The following FYCO1 variants were observed in gnomAD, a reference collection of about 807,000 sequenced individuals.
FYCO1 encodes the protein FYVE and coiled-coil domain-containing protein 1.
In FYCO1, 122 loss-of-function variants were observed where a neutral mutation model predicts 165.1. That is an observed-to-expected ratio of 0.74 (90% CI 0.64 to 0.86). The LOEUF is 0.86. Among genes scored for constraint, FYCO1 ranks in the 40% least tolerant of loss-of-function variants. The pLI, the probability that FYCO1 is intolerant of heterozygous loss-of-function variation, is 0.00. For synonymous variants in FYCO1, 648 were observed against 742.5 expected, an observed-to-expected ratio of 0.87 and a Z score of 2.07; for missense variants, 1,702 against 1,810.3, an observed-to-expected ratio of 0.94 and a Z score of 1.09.
At chr3:45,989,497 G>A (rs558810221) in intron 1 of FYCO1, among the ~76,000 whole-genome samples, 1 of 152,328 alleles carries the variant, frequency 6.6e-6, no homozygotes, top group East Asian at 1.9e-4. Flanking sequence ...GTGCTCCGGA[G>A]TTTGCCAGAG....
At chr3:45,949,055 C>T (rs945047643) in intron 14 of FYCO1, among the ~76,000 whole-genome samples, 2 of 152,128 alleles carry the variant, frequency 1.3e-5, no homozygotes, top group Non-Finnish European at 2.9e-5. Flanking sequence ...CGTGGGTTAG[C>T]GAGGCGAGGG....
intron 14 of FYCO1, among the ~76,000 whole-genome samples, chr3:45,953,443 A>G (rs1705138841): frequency 6.6e-6 from 1 of 151,934 alleles, no homozygotes; most frequent in Non-Finnish European, 1.5e-5. Flanking sequence ...TCAAGCAAGG[A>G]CCTCCTTTTC....
At chr3:45,988,713 T>C (rs1419126297) in intron 1 of FYCO1, among the ~76,000 whole-genome samples, 1 of 152,226 alleles carries the variant, frequency 6.6e-6, no homozygotes, top group Non-Finnish European at 1.5e-5. Flanking sequence ...CTCAAAATTA[T>C]GTTTAAGCCT....
rs1312084809 is a variant in FYCO1, at chr3:45,918,686, C to T, written c.*3079G>A. 1 of 152,168 alleles carries T rather than the reference C, an allele frequency of 6.6e-6. No homozygotes were observed. The highest frequency in any genetic ancestry group is 2.4e-5 in the African/African-American group (1 of 41,438). 9.4% of individuals were successfully genotyped at this position (152,168 alleles called of 1,614,324 possible). On this transcript the variant is annotated 3_prime_UTR_variant, in exon 18 of 18. Transcript: ENST00000296137. ...AACTGGCGATTTCCTTTCATTTGGG[C>T]CTGAAATAGTTTCACCACCTTCGAT...
chr3:45,940,903 CCTA>C (rs1386963906), intron 14 of FYCO1: 1 of 152,186 alleles, frequency 6.6e-6, no homozygotes, highest in Admixed American at 6.5e-5. Context: ...GTAAGACACT[CCTA>C]CAACTCACCT....
rs1703025258 is a variant in FYCO1, at chr3:45,919,592, C to T, written c.*2173G>A. The T allele has an allele frequency of 6.6e-6, 1 of 152,198 alleles. No individual in the cohort carries two copies. The highest frequency in any genetic ancestry group is 2.4e-5 in the African/African-American group (1 of 41,432). The allele number at this position is 152,198 out of a possible 1,614,324, so 9.4% of individuals were successfully genotyped here. A position where few individuals can be genotyped will look rare whatever the true frequency, so the allele number is the denominator to read the frequency against. On this transcript the variant is annotated 3_prime_UTR_variant, in exon 18 of 18. Coordinates refer to ENST00000296137, the MANE Select transcript of FYCO1 (RefSeq NM_024513.4). The stretch of plus-strand genomic sequence containing the variant: ...AGGAAGGACCTCAGATGGAATGTCC[C>T]AGGCCCCAAACCCATTAGCTACTCA...
At position 45,968,357 on chromosome 3, in the gene FYCO1, G is replaced by T. The variant is rs780402558; in HGVS notation, c.977C>A (p.Ala326Glu). ...GTGGTAGTCCTCCTCCTTCTCTGCT[G>T]CTCCTAGCTCCAGGCCCTGCAGGCA... The part of the protein sequence containing the change: ...QTCLQGLELG[A>E]AEKEEDYHTA... The change falls in exon 8 of 18, where the codon GCA becomes GAA. Residue 326 changes from alanine to glutamate, a missense_variant. Coordinates refer to ENST00000296137, the MANE Select transcript of FYCO1 (RefSeq NM_024513.4). 1 of 1,613,558 alleles carries T rather than the reference G, an allele frequency of 6.2e-7. No homozygotes were observed. The highest frequency in any genetic ancestry group is 1.1e-5 in the South Asian group (1 of 91,052).
chr3:45,958,108 T>C (rs764408051), intron 13 of FYCO1, among the ~76,000 whole-genome samples: 2 of 152,206 alleles, frequency 1.3e-5, no homozygotes, highest in East Asian at 1.9e-4. Flanking sequence ...GCAGCTCTGG[T>C]AGACGGCATT....
In FYCO1 at chr3:45,966,469, C is replaced by T. The variant is rs1575368474; in HGVS notation, c.2865G>A (p.Gln955=). The change falls in exon 8 of 18, where the codon CAG becomes CAA. Residue 955 remains glutamine, a synonymous_variant. Coordinates refer to ENST00000296137, the MANE Select transcript of FYCO1 (RefSeq NM_024513.4). ...TCTCCTGCAAGCTCTCCTTCTCTTGCTGCAGCCCAGCTACTTGGCGCTCCA... is the reference window on the plus strand; with the variant it reads ...TCTCCTGCAAGCTCTCCTTCTCTTGTTGCAGCCCAGCTACTTGGCGCTCCA... ...EGLERQVAGL[Q]QEKESLQEKL... 6.2e-7 allele frequency: 1 copy of T among 1,610,346 alleles called. No individual in the cohort carries two copies. The highest frequency in any genetic ancestry group is 1.3e-5 in the African/African-American group (1 of 74,872).
At chr3:45,946,581 C>T in intron 14 of FYCO1, 1 of 1,614,222 alleles carries the variant, frequency 6.2e-7, no homozygotes, top group Non-Finnish European at 8.5e-7. Flanking sequence ...CAAGGTCTTT[C>T]TGCCCTGCAT....
intron 16 of FYCO1, among the ~76,000 whole-genome samples, chr3:45,925,111 A>G (rs1407455450): frequency 6.6e-6 from 1 of 151,410 alleles, no homozygotes; most frequent in East Asian, 1.9e-4. Context: ...TGTATTTTTA[A>G]TAGAGACAGA....
At chr3:45,926,308 CA>C (rs71619614) in intron 16 of FYCO1, among the ~76,000 whole-genome samples, 13,530 of 152,176 alleles carry the variant, frequency 0.089, 1,003 homozygotes, top group South Asian at 0.35. Flanking sequence ...TAAAAGTAAA[CA>C]GATGTAAACA....
At chr3:45,923,580 A>G (rs1490703002) in intron 17 of FYCO1, 76 bp downstream of exon 17, 1 of 894,992 alleles carries the variant, frequency 1.1e-6, no homozygotes, top group Non-Finnish European at 1.9e-6. Flanking sequence ...ATTGGTTTTG[A>G]GTGTCCACCT....
intron 16 of FYCO1, among the ~76,000 whole-genome samples, chr3:45,925,463 A>G (rs1703281360): frequency 6.6e-6 from 1 of 152,236 alleles, no homozygotes; most frequent in Admixed American, 6.5e-5. Flanking sequence ...TTTCAGAAAT[A>G]CAATTTTTAT....
rs1380685769 is a variant in FYCO1, at chr3:45,968,245, C to T, written c.1089G>A (p.Gln363=). Residue 363 remains glutamine, a synonymous_variant, in exon 8 of 18, where the codon CAG becomes CAA. Transcript: ENST00000296137. ...GCCAGCCTGGGAAGCTGGCTAAATG[C>T]TGGTTTTTCTTGTCCAGTGAGTCCC... The part of the protein sequence containing the change: ...ATRDSLDKKN[Q]HLASFPGWLA... The T allele has an allele frequency of 6.2e-7, 1 of 1,613,916 alleles. No individual in the cohort carries two copies. The highest frequency in any genetic ancestry group is 1.3e-5 in the African/African-American group (1 of 74,934).
At chr3:45,994,823 A>G (rs1367990467) in intron 1 of FYCO1, among the ~76,000 whole-genome samples, 1 of 152,166 alleles carries the variant, frequency 6.6e-6, no homozygotes, top group Non-Finnish European at 1.5e-5. Context: ...TCGGGAAAGG[A>G]AACTGCTGTG....
intron 10 of FYCO1, among the ~76,000 whole-genome samples, chr3:45,963,610 T>C (rs1372225758): frequency 6.6e-6 from 1 of 152,226 alleles, no homozygotes; most frequent in Non-Finnish European, 1.5e-5. Context: ...GTGGCACACA[T>C]GCAATTCGAT....
Position 45,968,146 on chromosome 3 carries a change from C to G in FYCO1, c.1188G>C (p.Ala396=). ...CCCCTAGCTCCTGCATCTCCTGGGC[C>G]GCATCACTGGGAATAGGTTCTTGCC... ...KGRQEPIPSD[A]AQEMQELGEK... The change falls in exon 8 of 18, where the codon GCG becomes GCC. Residue 396 remains alanine (A), a synonymous_variant. Transcript: ENST00000296137. The G allele has an allele frequency of 1.9e-6, 3 of 1,614,122 alleles. No homozygotes were observed. The highest frequency in any genetic ancestry group is 2.5e-6 in the Non-Finnish European group (3 of 1,180,022).
Position 45,968,637 on chromosome 3 carries a change from C to T in FYCO1, c.697G>A (p.Asp233Asn), listed in dbSNP as rs771817321. Residue 233 changes from aspartate to asparagine, a missense_variant, in exon 8 of 18, where the codon GAT becomes AAT. Asp to Asn is a conservative substitution (Grantham distance 23). Coordinates refer to ENST00000296137, the MANE Select transcript of FYCO1 (RefSeq NM_024513.4). ...PLNNEALEGF[D>N]EMRLELDQLE... ...TGGTCCAGCTCTAGTCGCATCTCAT[C>T]AAAGCCCTCCAATGCCTCGTTGTTT... 6.2e-7 allele frequency: 1 copy of T among 1,614,198 alleles called. No individual in the cohort carries two copies. The highest frequency in any genetic ancestry group is 1.3e-5 in the African/African-American group (1 of 75,058).
Sources: gnomAD v4.1 joint callset for allele counts (sites outside exome capture counted in the v4.1 genomes callset) on GRCh38, gnomAD v4.1.1 for gene constraint, MANE v1.5 for transcripts, NCBI Gene and HGNC (gene_info 2026-07-23, HGNC 2026-07-21) for gene names.